EIF3K: variants seen among roughly 807,000 people sequenced by gnomAD.
The protein encoded by EIF3K is eukaryotic translation initiation factor 3 subunit K.
Under a neutral mutation model 34.2 loss-of-function variants are expected in EIF3K, and 27 were observed. The observed-to-expected ratio is 0.79, with a 90% CI of 0.58 to 1.09. The LOEUF (loss-of-function observed/expected upper bound fraction) is 1.09, where lower values mean the gene tolerates loss of function less well. Ranked by LOEUF, EIF3K falls within the 50% of genes least tolerant of loss-of-function variation. The probability of loss-of-function intolerance (pLI) is 0.00; values close to 1 mark genes in which losing one functional copy is unlikely to be tolerated. For synonymous variants in EIF3K, 105 were observed against 105.7 expected (o/e 0.99, Z 0.04); for missense variants, 232 against 275.4 (o/e 0.84, Z 1.11).
chr19:38,635,139 T>G (rs958879319), intron 7 of EIF3K, 21 bp downstream of exon 7: 1 of 1,614,028 alleles, frequency 6.2e-7, no homozygotes, highest in Non-Finnish European at 8.5e-7. Flanking sequence ...ACCCACGGCC[T>G]CGGGCTTTGG....
chr19:38,625,730 G>A (rs1975936960), intron 3 of EIF3K, among the ~76,000 whole-genome samples: 2 of 151,922 alleles, frequency 1.3e-5, no homozygotes, highest in African/African-American at 2.4e-5. Flanking sequence ...GGCTGGTGTC[G>A]AACTCCTGAC....
intron 2 of EIF3K, 83 bp downstream of exon 2, chr19:38,620,518 G>T (rs1975816675): frequency 8.5e-7 from 1 of 1,175,002 alleles, no homozygotes; most frequent in Non-Finnish European, 1.2e-6. Flanking sequence ...GGGGTGGCTG[G>T]TAGTATCCTG....
chr19:38,629,731 G>A (rs1976021652), intron 4 of EIF3K, among the ~76,000 whole-genome samples: 1 of 152,184 alleles, frequency 6.6e-6, no homozygotes, highest in Non-Finnish European at 1.5e-5. Flanking sequence ...GAGGGTGGTA[G>A]CCATGGAGGA....
At chr19:38,632,779 G>A (rs1976098985) in intron 6 of EIF3K, 101 bp downstream of exon 6, 1 of 1,105,130 alleles carries the variant, frequency 9.0e-7, no homozygotes, top group Non-Finnish European at 1.3e-6. Context: ...GGTCTCATCA[G>A]GTCAGCATGG....
At chr19:38,626,007 C>T in intron 3 of EIF3K, 21 bp from the exon 4 acceptor site, 1 of 1,614,018 alleles carries the variant, frequency 6.2e-7, no homozygotes, top group South Asian at 1.1e-5. Flanking sequence ...GCCAGTTTTC[C>T]TTAATGCTTC....
chr19:38,620,615 C>A (rs1185732915), intron 2 of EIF3K, among the ~76,000 whole-genome samples, 180 bp downstream of exon 2: 1 of 152,084 alleles, frequency 6.6e-6, no homozygotes, highest in Non-Finnish European at 1.5e-5. Context: ...AATCAATTGC[C>A]GGGCGCGGTG....
intron 4 of EIF3K, chr19:38,632,129 G>A (rs1418581875): frequency 2.8e-6 from 1 of 353,458 alleles, no homozygotes; most frequent in Admixed American, 4.4e-5. Flanking sequence ...AAGATTACCA[G>A]TGTAGGCTGG....
At chr19:38,625,100 G>C (rs987140849) in intron 3 of EIF3K, among the ~76,000 whole-genome samples, 1 of 152,142 alleles carries the variant, frequency 6.6e-6, no homozygotes, top group Non-Finnish European at 1.5e-5. Context: ...TTTCAGGAAT[G>C]GTAGAGGAAG....
intron 2 of EIF3K, 95 bp downstream of exon 2, chr19:38,620,530 A>T: frequency 9.9e-7 from 1 of 1,012,488 alleles, no homozygotes; most frequent in South Asian, 1.4e-5. Flanking sequence ...AGTATCCTGA[A>T]CAATGCAGCA....
chr19:38,635,724 TCA>T, intron 7 of EIF3K: 1 of 152,814 alleles, frequency 6.5e-6, no homozygotes, highest in Non-Finnish European at 1.5e-5. Flanking sequence ...ACCACACAGT[TCA>T]TTAAATGTTC....
intron 4 of EIF3K, among the ~76,000 whole-genome samples, chr19:38,629,267 GTTTGTTTTGTTTTGT>G (rs3033331): frequency 0.081 from 12,070 of 148,882 alleles, 858 homozygotes; most frequent in African/African-American, 0.19. Context: ...TTTTTTGTTT[GTTTGTTTTGTTTTGT>G]TTTGTTTTGT....
In EIF3K at chr19:38,620,385, G is replaced by C; in HGVS notation, c.108G>C (p.Gln36His). Residue 36 changes from glutamine (Q) to histidine (H), a missense_variant, in exon 2 of 8, where the codon CAG (glutamine) becomes CAC (histidine). Coordinates refer to ENST00000248342, the MANE Select transcript of EIF3K (RefSeq NM_013234.4). ...CCCTGGAGCGCTATGTAGAGACGCAGGCCAAGGAAAATGCCTATGATCTGG... is the reference window on the plus strand; with the variant it reads ...CCCTGGAGCGCTATGTAGAGACGCACGCCAAGGAAAATGCCTATGATCTGG... ...LATLERYVET[Q>H]AKENAYDLEA... 6.2e-7 allele frequency: 1 copy of C among 1,614,062 alleles called. No homozygotes were observed. Among genetic ancestry groups the C allele is most frequent in the Non-Finnish European group, 8.5e-7 (1 of 1,180,004 alleles).
chr19:38,621,903 CT>C (rs914363057), intron 2 of EIF3K, among the ~76,000 whole-genome samples: 106 of 111,476 alleles, frequency 9.5e-4, no homozygotes, highest in Middle Eastern at 6.1e-3. Flanking sequence ...TCTTCGTGCC[CT>C]TTTTTTTTTT....
chr19:38,630,335 ATTTATTTATTTATTTT>A (rs1333868285), intron 4 of EIF3K, among the ~76,000 whole-genome samples: 3 of 142,606 alleles, frequency 2.1e-5, no homozygotes, highest in Non-Finnish European at 4.6e-5. Flanking sequence ...TTAATTATTT[ATTTATTTATTTATTTT>A]TTTTTTTTTT....
intron 7 of EIF3K, chr19:38,635,430 G>A: frequency 2.4e-6 from 1 of 418,208 alleles, no homozygotes; most frequent in Non-Finnish European, 4.3e-6. Context: ...TGTCTCGTTG[G>A]CCATCTTTTA....
chr19:38,632,896 C>T (rs113057001), intron 6 of EIF3K: 36 of 508,210 alleles, frequency 7.1e-5, no homozygotes, highest in African/African-American at 3.1e-4. Flanking sequence ...GAGTGCCTAC[C>T]GTGTGTCAGT....
intron 2 of EIF3K, among the ~76,000 whole-genome samples, chr19:38,623,078 G>A (rs905493514): frequency 6.6e-6 from 1 of 152,212 alleles, no homozygotes; most frequent in Non-Finnish European, 1.5e-5. Flanking sequence ...AGGATTAAGA[G>A]ATTAAAGTAA....
At chr19:38,621,965 G>A (rs976375731) in intron 2 of EIF3K, among the ~76,000 whole-genome samples, 1 of 148,506 alleles carries the variant, frequency 6.7e-6, no homozygotes, top group Non-Finnish European at 1.5e-5. Flanking sequence ...GAGTACAGTG[G>A]CACAGTCATG....
chr19:38,635,318 A>G, intron 7 of EIF3K, 200 bp downstream of exon 7: 1 of 728,210 alleles, frequency 1.4e-6, no homozygotes, highest in Non-Finnish European at 2.2e-6. Flanking sequence ...CTTCCCTGGA[A>G]CTTCTAGGCC....
Sources: gnomAD v4.1 joint callset for allele counts (sites outside exome capture counted in the v4.1 genomes callset) on GRCh38, gnomAD v4.1.1 for gene constraint, MANE v1.5 for transcripts, NCBI Gene and HGNC (gene_info 2026-07-23, HGNC 2026-07-21) for gene names.